The following RGS13 variants were observed in gnomAD, a reference collection of about 807,000 sequenced individuals.
The protein encoded by RGS13 is regulator of G protein signaling 13, also known as regulator of G-protein signalling 13.
A neutral mutation model predicts 19.9 loss-of-function variants in RGS13; 14 were observed. That is an observed-to-expected ratio of 0.70 (90% CI 0.46 to 1.10). The LOEUF (loss-of-function observed/expected upper bound fraction) is 1.10. Among genes scored for constraint, RGS13 ranks in the 50% least tolerant of loss-of-function variants. The pLI, the probability that RGS13 is intolerant of heterozygous loss-of-function variation, is 0.00. For missense variants in RGS13, 205 were observed against 187.1 expected (o/e 1.10, Z -0.56); for synonymous variants, 60 against 56.8 (o/e 1.06, Z -0.25).
chr1:192,658,831 A>G (rs1663495584), intron 6 of RGS13: 1 of 160,952 alleles, frequency 6.2e-6, no homozygotes, highest in South Asian at 1.8e-4. Context: ...CATTGTGGAC[A>G]TATTCTAGAA....
intron 5 of RGS13, among the ~76,000 whole-genome samples, chr1:192,652,304 T>C (rs1663357024): frequency 6.6e-6 from 1 of 152,046 alleles, no homozygotes. Flanking sequence ...CTGATGGTTA[T>C]TGTTGCTCCC....
At chr1:192,641,246 AAAG>A (rs1663107821) in intron 3 of RGS13, among the ~76,000 whole-genome samples, 2 of 17,702 alleles carry the variant, frequency 1.1e-4, no homozygotes, top group Non-Finnish European at 2.3e-4. Flanking sequence ...GAAAGAAAGA[AAAG>A]AAAGAAAAGA....
Position 192,660,124 on chromosome 1 carries a change from A to T in RGS13, c.*601A>T, listed in dbSNP as rs752732843. 2.6e-5 allele frequency: 4 copies of T among 152,256 alleles called. No individual in the cohort carries two copies. Among genetic ancestry groups the T allele is most frequent in the South Asian group, 2.1e-4 (1 of 4,828 alleles). 9.4% of individuals were successfully genotyped at this position (152,256 alleles called of 1,614,324 possible). A position where few individuals can be genotyped will look rare whatever the true frequency, so the allele number is the denominator to read the frequency against. ...CTGATGATTTTTTAACAAAAAATAT[A>T]TGAATTTCTTCATTTGCTCTTGCAT... On this transcript the variant is annotated 3_prime_UTR_variant, in exon 7 of 7. Coordinates refer to ENST00000391995, the MANE Select transcript of RGS13 (RefSeq NM_002927.5).
At chr1:192,642,527 A>C (rs111274438) in intron 3 of RGS13, among the ~76,000 whole-genome samples, 13 of 151,706 alleles carry the variant, frequency 8.6e-5, no homozygotes, top group African/African-American at 3.1e-4. Context: ...GGGTCTCTCT[A>C]TGCTGCCCAG....
chr1:192,643,884 T>G (rs1571580313), intron 3 of RGS13, among the ~76,000 whole-genome samples: 1 of 152,052 alleles, frequency 6.6e-6, no homozygotes, highest in East Asian at 1.9e-4. Context: ...ACTGGGGATG[T>G]CAAGGCTGCA....
intron 5 of RGS13, among the ~76,000 whole-genome samples, chr1:192,654,211 T>A (rs1663396947): frequency 6.6e-6 from 1 of 151,876 alleles, no homozygotes; most frequent in Non-Finnish European, 1.5e-5. Context: ...GAGGACTGAT[T>A]CCATAGATAT....
chr1:192,640,776 T>C (rs1217530514), intron 3 of RGS13, among the ~76,000 whole-genome samples: 1 of 142,200 alleles, frequency 7.0e-6, no homozygotes. Flanking sequence ...TCTATACCTA[T>C]ATTTTCACTA....
chr1:192,649,493 T>C (rs1223421050), intron 5 of RGS13, among the ~76,000 whole-genome samples: 1 of 152,152 alleles, frequency 6.6e-6, no homozygotes, highest in Non-Finnish European at 1.5e-5. Context: ...TAATATAGAT[T>C]AAGCACACAA....
chr1:192,659,788 T>C lies in RGS13; in HGVS notation c.*265T>C, dbSNP rs1218572467. 1 of 288,168 alleles carries C rather than the reference T, an allele frequency of 3.5e-6. No individual in the cohort carries two copies. Among genetic ancestry groups the C allele is most frequent in the African/African-American group, 2.2e-5 (1 of 45,302 alleles). 17.9% of individuals were successfully genotyped at this position (288,168 alleles called of 1,614,324 possible). On this transcript the variant is annotated 3_prime_UTR_variant, in exon 7 of 7. Transcript: ENST00000391995. ...AAGGTCTTTCTTCATGATACAAGCATTATAAAGTTTTTACTGTAGTAGTCA... is the reference window on the plus strand; with the variant it reads ...AAGGTCTTTCTTCATGATACAAGCACTATAAAGTTTTTACTGTAGTAGTCA...
intron 3 of RGS13, among the ~76,000 whole-genome samples, chr1:192,638,434 A>G (rs1231778606): frequency 6.6e-6 from 1 of 151,716 alleles, no homozygotes; most frequent in Non-Finnish European, 1.5e-5. Context: ...TTTTTAATTT[A>G]TCTCTTTGTT....
At chr1:192,653,846 A>G (rs908012566) in intron 5 of RGS13, among the ~76,000 whole-genome samples, 3 of 151,798 alleles carry the variant, frequency 2.0e-5, no homozygotes, top group Non-Finnish European at 2.9e-5. Context: ...TGTTAACAGT[A>G]GTTATTAATT....
intron 5 of RGS13, among the ~76,000 whole-genome samples, chr1:192,649,738 T>G (rs545167174): frequency 6.6e-6 from 1 of 152,270 alleles, no homozygotes; most frequent in South Asian, 2.1e-4. Context: ...TCCAGGCTTT[T>G]GTTCAAAGTC....
At position 192,644,408 on chromosome 1, in the gene RGS13, C is replaced by G. The variant is rs1276745934; in HGVS notation, c.65+9C>G. 2.5e-6 allele frequency: 4 copies of G among 1,591,154 alleles called. No homozygotes were observed. The highest frequency in any genetic ancestry group is 1.7e-5 in the Admixed American group (1 of 59,608). ...AAGAGGCCCCCTTCAAAGTAAGTAG[C>G]ATTTAAGTTTCTATGGTAATTGTAA... is the stretch of plus-strand genomic sequence containing the variant. On this transcript the variant is annotated intron_variant, in intron 4 of 6. Transcript: ENST00000391995.
chr1:192,651,851 G>A (rs1202567907), intron 5 of RGS13, among the ~76,000 whole-genome samples: 1 of 152,014 alleles, frequency 6.6e-6, no homozygotes. Context: ...ACATAACAAC[G>A]GAGGAGGTAT....
At position 192,659,512 on chromosome 1, in the gene RGS13, AAC is replaced by A. The variant is rs769653226; in HGVS notation, c.471_472del (p.Asn157LysfsTer11). ...ACTTTTGAAAACTATGCAGTCCAAC[AAC>A]AGTTTCTGACTACAACTCAAAAGTT... The part of the protein sequence containing the change: ...QKLLKTMQSN[N>X]SF On this transcript the variant is annotated frameshift_variant, in exon 7 of 7. Transcript: ENST00000391995. LOFTEE classifies it high-confidence loss of function. The A allele has an allele frequency of 1.2e-6, 2 of 1,608,480 alleles. No individual in the cohort carries two copies. Among genetic ancestry groups the A allele is most frequent in the Non-Finnish European group, 1.7e-6 (2 of 1,177,748 alleles).
chr1:192,650,504 T>C (rs1290106974), intron 5 of RGS13, among the ~76,000 whole-genome samples: 2 of 152,122 alleles, frequency 1.3e-5, no homozygotes, highest in Non-Finnish European at 2.9e-5. Context: ...GATGCATATT[T>C]TACATAGATT....
chr1:192,650,539 G>T (rs141923609), intron 5 of RGS13, among the ~76,000 whole-genome samples: 1 of 152,156 alleles, frequency 6.6e-6, no homozygotes, highest in Admixed American at 6.6e-5. Flanking sequence ...AAGGACAGTA[G>T]CTCAGACACA....
Position 192,659,430 on chromosome 1 carries a change from T to A in RGS13, c.387T>A (p.Tyr129Ter), listed in dbSNP as rs1409350108. ...TTGAAGAAGCTCAGAAAATAGTCTA[T>A]ATGCATATGGAAAGGGATTCCTACC... is the stretch of plus-strand genomic sequence containing the variant. ...TCFEEAQKIV[Y>*]MHMERDSYPR... The change falls in exon 7 of 7, where the codon TAT becomes TAA. Residue 129 changes from tyrosine to a stop codon, truncating the protein, a stop_gained. Transcript: ENST00000391995. LOFTEE classifies it high-confidence loss of function. 2.5e-6 allele frequency: 4 copies of A among 1,612,826 alleles called. No homozygotes were observed. In the East Asian group the frequency reaches 8.9e-5, roughly 36 times the overall value.
chr1:192,653,816 T>C (rs1663385829), intron 5 of RGS13, among the ~76,000 whole-genome samples: 1 of 151,932 alleles, frequency 6.6e-6, no homozygotes, highest in Admixed American at 6.6e-5. Flanking sequence ...ATTAAAAGAA[T>C]AAAAGGAAAT....
Sources: gnomAD v4.1 joint callset for allele counts (sites outside exome capture counted in the v4.1 genomes callset) on GRCh38, gnomAD v4.1.1 for gene constraint, MANE v1.5 for transcripts, NCBI Gene and HGNC (gene_info 2026-07-23, HGNC 2026-07-21) for gene names.